The following LONP2 variants were observed in gnomAD, a reference collection of about 807,000 sequenced individuals.
LONP2 encodes lon peptidase 2, peroxisomal.
In LONP2, 60 loss-of-function variants were observed where a neutral mutation model predicts 85.6. The observed-to-expected ratio is 0.70, with a 90% CI of 0.57 to 0.87. The LOEUF (loss-of-function observed/expected upper bound fraction) is 0.87, where lower values mean the gene tolerates loss of function less well. LONP2 is among the 40% of genes least tolerant of loss of function. The pLI is 0.00. For missense variants in LONP2, 860 were observed against 1,063.5 expected (o/e 0.81, Z 2.66); for synonymous variants, 395 against 389.7 (o/e 1.01, Z -0.16).
intron 1 of LONP2, among the ~76,000 whole-genome samples, chr16:48,249,887 T>A (rs976568076): frequency 6.6e-6 from 1 of 152,174 alleles, no homozygotes; most frequent in African/African-American, 2.4e-5. Flanking sequence ...ATATTGTATT[T>A]GCTTTATAAG....
chr16:48,304,826 G>A (rs2151003022), intron 11 of LONP2, among the ~76,000 whole-genome samples: 1 of 152,336 alleles, frequency 6.6e-6, no homozygotes, highest in Admixed American at 6.5e-5. Flanking sequence ...ACAAACATGA[G>A]TTGTAGGGAA....
intron 4 of LONP2, among the ~76,000 whole-genome samples, chr16:48,259,551 T>C (rs1971832897): frequency 6.6e-6 from 1 of 152,232 alleles, no homozygotes; most frequent in Admixed American, 6.5e-5. Context: ...GCGCTCTGAC[T>C]TAAGTTGAGG....
intron 8 of LONP2, among the ~76,000 whole-genome samples, chr16:48,293,123 C>T (rs1267068313): frequency 6.6e-6 from 1 of 152,104 alleles, no homozygotes; most frequent in Non-Finnish European, 1.5e-5. Flanking sequence ...ATGCTTAGAG[C>T]CATTAAAGAA....
At chr16:48,311,918 T>C (rs570447366) in intron 11 of LONP2, among the ~76,000 whole-genome samples, 1 of 151,470 alleles carries the variant, frequency 6.6e-6, no homozygotes, top group East Asian at 2.0e-4. Flanking sequence ...CATGAGTCAC[T>C]GTGCCCTGCC....
downstream of LONP2, chr16:48,361,301 C>A: frequency 2.9e-6 from 1 of 344,858 alleles, no homozygotes. Context: ...ACACAAAACT[C>A]AGAATTATTT....
At chr16:48,256,541 A>G in intron 2 of LONP2, 69 bp from the exon 3 acceptor site, 1 of 1,529,284 alleles carries the variant, frequency 6.5e-7, no homozygotes, top group Non-Finnish European at 9.0e-7. Context: ...ACCTAGATGG[A>G]AATCTGATTT....
At chr16:48,318,671 A>G (rs1973197137) in intron 11 of LONP2, among the ~76,000 whole-genome samples, 1 of 152,218 alleles carries the variant, frequency 6.6e-6, no homozygotes, top group African/African-American at 2.4e-5. Context: ...CCTGCCACGT[A>G]AGCAAGTATA....
At chr16:48,276,550 A>T (rs188846615) in intron 7 of LONP2, among the ~76,000 whole-genome samples, 1 of 152,282 alleles carries the variant, frequency 6.6e-6, no homozygotes, top group African/African-American at 2.4e-5. Flanking sequence ...TTGGTTTGAT[A>T]AACTTATGTG....
At position 48,276,729 on chromosome 16, in the gene LONP2, A is replaced by C. The variant is rs557012745; in HGVS notation, c.1242-609A>C. The stretch of plus-strand genomic sequence containing the variant: ...GATGAATACAGTTTTGTTCAAAAGG[A>C]CAGAATAATGGAATTCTGATATAAA... On this transcript the variant is annotated intron_variant, in intron 7 of 14. Transcript: ENST00000285737. 3.3e-5 allele frequency among the ~76,000 whole-genome samples: 5 copies of C among 152,182 alleles called. No individual in the cohort carries two copies. The South Asian group carries it at 8.3e-4, about 25-fold the overall frequency.
chr16:48,296,194 A>G lies in LONP2; in HGVS notation c.1534+29A>G, dbSNP rs759715963. ...CCTGACTCTTAAATCATTATGATACATCTTGCCTTTCTGACCATAACTTTA... is the reference window on the plus strand; with the variant it reads ...CCTGACTCTTAAATCATTATGATACGTCTTGCCTTTCTGACCATAACTTTA... On this transcript the variant is annotated intron_variant, in intron 9 of 14. Coordinates refer to ENST00000285737, the MANE Select transcript of LONP2 (RefSeq NM_031490.5). The G allele has an allele frequency of 2.5e-6, 4 of 1,605,644 alleles. No homozygotes were observed. In the Admixed American group the frequency reaches 5.1e-5, roughly 21 times the overall value.
At chr16:48,319,529 A>G (rs547765119) in intron 11 of LONP2, among the ~76,000 whole-genome samples, 2 of 152,168 alleles carry the variant, frequency 1.3e-5, no homozygotes, top group South Asian at 4.2e-4. Context: ...ATAGTTTTAT[A>G]TTATATAGCC....
At chr16:48,347,994 A>G in intron 13 of LONP2, 106 bp from the exon 14 acceptor site, 5 of 1,065,066 alleles carry the variant, frequency 4.7e-6, no homozygotes, top group Non-Finnish European at 6.8e-6. Context: ...TATTTTGAAG[A>G]ATTCATTTAC....
At chr16:48,247,016 A>C (rs182886986) in intron 1 of LONP2, among the ~76,000 whole-genome samples, 34 of 152,420 alleles carry the variant, frequency 2.2e-4, no homozygotes, top group African/African-American at 7.2e-4. Context: ...GCAATGTTAA[A>C]ATTTAATCAT....
At chr16:48,286,571 TG>T (rs1172966616) in intron 8 of LONP2, among the ~76,000 whole-genome samples, 1 of 152,110 alleles carries the variant, frequency 6.6e-6, no homozygotes, top group Non-Finnish European at 1.5e-5. Context: ...GGCGCACTCA[TG>T]GCTCATGGCA....
At chr16:48,310,075 T>A (rs1182945301) in intron 11 of LONP2, among the ~76,000 whole-genome samples, 1 of 151,936 alleles carries the variant, frequency 6.6e-6, no homozygotes, top group Non-Finnish European at 1.5e-5. Context: ...AAAAAAAAAC[T>A]ATTGTTGATT....
intron 11 of LONP2, among the ~76,000 whole-genome samples, chr16:48,326,199 G>T (rs537629487): frequency 1.1e-4 from 17 of 152,302 alleles, no homozygotes; most frequent in African/African-American, 2.6e-4. Flanking sequence ...ATTCTCAACA[G>T]CTTCCCAAAG....
intron 1 of LONP2, among the ~76,000 whole-genome samples, chr16:48,250,646 C>T (rs1167220909): frequency 1.3e-5 from 2 of 152,138 alleles, no homozygotes; most frequent in Non-Finnish European, 1.5e-5. Flanking sequence ...GGCCGGGGAT[C>T]CAGTTTCTTG....
intron 7 of LONP2, among the ~76,000 whole-genome samples, chr16:48,270,990 A>T (rs2150977513): frequency 6.6e-6 from 1 of 152,140 alleles, no homozygotes; most frequent in African/African-American, 2.4e-5. Flanking sequence ...TAAATTTTTT[A>T]ATTTTAAATT....
chr16:48,314,753 T>C (rs985707935), intron 11 of LONP2, among the ~76,000 whole-genome samples: 1 of 152,234 alleles, frequency 6.6e-6, no homozygotes, highest in Admixed American at 6.5e-5. Context: ...TCCTAGGTAT[T>C]TGATCTTTAT....
Sources: allele counts gnomAD v4.1 joint callset (sites outside exome capture counted in the v4.1 genomes callset), GRCh38; gene constraint gnomAD v4.1.1; transcripts MANE v1.5; gene names NCBI Gene and HGNC (gene_info 2026-07-23, HGNC 2026-07-21).